The following PLA2G12B variants were observed in gnomAD, a reference collection of about 807,000 sequenced individuals.
PLA2G12B encodes group XIIB secretory phospholipase A2-like protein.
In PLA2G12B, 19 loss-of-function variants were observed where a neutral mutation model predicts 22.3. That is an observed-to-expected ratio of 0.85 (90% CI 0.60 to 1.25). The LOEUF is 1.25. Among genes scored for constraint, PLA2G12B ranks in the 50% most tolerant of loss-of-function variants. The pLI is 0.00. For synonymous variants in PLA2G12B, 81 were observed against 94.9 expected, an observed-to-expected ratio of 0.85 and a Z score of 0.85; for missense variants, 191 against 246.6, an observed-to-expected ratio of 0.77 and a Z score of 1.51.
chr10:72,935,882 T>A, intron 3 of PLA2G12B, 144 bp from the exon 4 acceptor site: 1 of 1,211,120 alleles, frequency 8.3e-7, no homozygotes, highest in Non-Finnish European at 1.1e-6. Flanking sequence ...TCAGAGAATG[T>A]TCTCAGAAAA....
chr10:72,945,552 C>T (rs1322664420), intron 1 of PLA2G12B, among the ~76,000 whole-genome samples: 2 of 152,078 alleles, frequency 1.3e-5, no homozygotes, highest in Non-Finnish European at 2.9e-5. Flanking sequence ...GATCCCTGAC[C>T]CTCAGCAAGT....
chr10:72,954,138 C>T (rs918413657), intron 1 of PLA2G12B, among the ~76,000 whole-genome samples: 3 of 152,108 alleles, frequency 2.0e-5, no homozygotes, highest in African/African-American at 7.2e-5. Context: ...CCCTTTTTTC[C>T]TAAGAACTGC....
intron 1 of PLA2G12B, among the ~76,000 whole-genome samples, chr10:72,952,574 A>C (rs1218452512): frequency 6.6e-6 from 1 of 152,208 alleles, no homozygotes; most frequent in African/African-American, 2.4e-5. Flanking sequence ...ACTACAAAAG[A>C]GCAGACTCGT....
Position 72,935,466 on chromosome 10 carries a change from C to T in PLA2G12B, c.*151G>A, listed in dbSNP as rs1213059995. 4.2e-6 allele frequency: 5 copies of T among 1,202,438 alleles called. No individual in the cohort carries two copies. Among genetic ancestry groups the T allele is most frequent in the Non-Finnish European group, 5.8e-6 (5 of 863,856 alleles). The allele number at this position is 1,202,438 out of a possible 1,614,324, so 74.5% of individuals were successfully genotyped here. Reference sequence around the variant, plus strand: ...AAATTTCCTCAAAGGATAGGACTCACTTTCCAGCTGTAGAAAAATGTTCCC... The same window carrying T: ...AAATTTCCTCAAAGGATAGGACTCATTTTCCAGCTGTAGAAAAATGTTCCC... On this transcript the variant is annotated 3_prime_UTR_variant, in exon 4 of 4. Coordinates refer to ENST00000373032, the MANE Select transcript of PLA2G12B (RefSeq NM_032562.5).
chr10:72,937,750 C>T (rs1423180549), intron 3 of PLA2G12B, among the ~76,000 whole-genome samples: 3 of 152,148 alleles, frequency 2.0e-5, no homozygotes, highest in African/African-American at 7.2e-5. Context: ...TAATATGATA[C>T]ACTACATCAA....
chr10:72,952,943 T>C (rs1435385625), intron 1 of PLA2G12B, among the ~76,000 whole-genome samples: 1 of 152,220 alleles, frequency 6.6e-6, no homozygotes, highest in African/African-American at 2.4e-5. Context: ...TAATAAAAAT[T>C]CCTGCTGTTG....
Position 72,954,497 on chromosome 10 carries a change from G to A in PLA2G12B, c.189C>T (p.Val63=), listed in dbSNP as rs773245317. The change falls in exon 1 of 4, where the codon GTC becomes GTT. Residue 63 remains valine, a synonymous_variant. Coordinates refer to ENST00000373032, the MANE Select transcript of PLA2G12B (RefSeq NM_032562.5). The part of the protein sequence containing the change: ...FLELLGGKNG[V]CQYRCRYGKA... ...CACCATATCGGCACCTGTACTGACA[G>A]ACTCCATTCTTCCCTCCCAGCAGCT... is the stretch of plus-strand genomic sequence containing the variant. 29 of 1,614,088 alleles carry A rather than the reference G, an allele frequency of 1.8e-5. No individual in the cohort carries two copies. The highest frequency in any genetic ancestry group is 1.7e-5 in the Admixed American group (1 of 59,996).
chr10:72,946,012 A>G (rs936193820), intron 1 of PLA2G12B, among the ~76,000 whole-genome samples: 2 of 152,144 alleles, frequency 1.3e-5, no homozygotes, highest in African/African-American at 4.8e-5. Flanking sequence ...GCTATAATTC[A>G]TATATCATAT....
At chr10:72,936,292 C>T (rs992115313) in intron 3 of PLA2G12B, among the ~76,000 whole-genome samples, 3 of 152,160 alleles carry the variant, frequency 2.0e-5, no homozygotes, top group Non-Finnish European at 2.9e-5. Flanking sequence ...AGCTACACTA[C>T]CTCATGATGA....
At chr10:72,950,070 A>G (rs912073386) in intron 1 of PLA2G12B, among the ~76,000 whole-genome samples, 3 of 152,236 alleles carry the variant, frequency 2.0e-5, no homozygotes, top group Non-Finnish European at 2.9e-5. Flanking sequence ...TAATACATCA[A>G]TGGAACACAG....
chr10:72,949,774 C>G (rs571159181), intron 1 of PLA2G12B, among the ~76,000 whole-genome samples: 1 of 152,060 alleles, frequency 6.6e-6, no homozygotes, highest in Non-Finnish European at 1.5e-5. Flanking sequence ...GTCATGAGTT[C>G]GAGACCAGCC....
intron 3 of PLA2G12B, 80 bp downstream of exon 3, chr10:72,941,089 T>C: frequency 7.1e-7 from 1 of 1,412,568 alleles, no homozygotes; most frequent in Non-Finnish European, 9.7e-7. Flanking sequence ...TCTCTTCGAG[T>C]CAAGGGGTTC....
At chr10:72,949,470 T>C (rs1846492044) in intron 1 of PLA2G12B, among the ~76,000 whole-genome samples, 1 of 152,230 alleles carries the variant, frequency 6.6e-6, no homozygotes, top group African/African-American at 2.4e-5. Context: ...TGCCTATTTC[T>C]TCACAGTTTG....
At chr10:72,936,957 T>C (rs1232573404) in intron 3 of PLA2G12B, among the ~76,000 whole-genome samples, 2 of 152,130 alleles carry the variant, frequency 1.3e-5, no homozygotes, top group Admixed American at 6.5e-5. Flanking sequence ...TCCCAGCACT[T>C]TGGGAGGCCG....
intron 1 of PLA2G12B, among the ~76,000 whole-genome samples, chr10:72,942,968 CTT>C (rs56918622): frequency 2.7e-4 from 39 of 142,516 alleles, no homozygotes; most frequent in Non-Finnish European, 2.6e-4. Flanking sequence ...TTCATGAGCA[CTT>C]TTTTTTTTTT....
At chr10:72,939,644 A>G (rs2132964089) in intron 3 of PLA2G12B, among the ~76,000 whole-genome samples, 1 of 152,250 alleles carries the variant, frequency 6.6e-6, no homozygotes, top group Non-Finnish European at 1.5e-5. Flanking sequence ...GATTCATCTC[A>G]CAGAAAGGAA....
At chr10:72,954,249 C>T (rs1846580133) in intron 1 of PLA2G12B, among the ~76,000 whole-genome samples, 1 of 152,178 alleles carries the variant, frequency 6.6e-6, no homozygotes, top group South Asian at 2.1e-4. Context: ...AAGAATTTGT[C>T]AGGATAAGTA....
At chr10:72,937,346 A>T (rs1846294910) in intron 3 of PLA2G12B, among the ~76,000 whole-genome samples, 1 of 152,238 alleles carries the variant, frequency 6.6e-6, no homozygotes, top group African/African-American at 2.4e-5. Flanking sequence ...AGAATAGAAA[A>T]TATGAATAGA....
In PLA2G12B at chr10:72,937,513, G is replaced by A. The variant is rs1846297241; in HGVS notation, c.467-1775C>T. Among the ~76,000 whole-genome samples the A allele has an allele frequency of 2.0e-5, 3 of 152,082 alleles. No individual in the cohort carries two copies. In the South Asian group the frequency reaches 6.2e-4, roughly 32 times the overall value. ...CCTTTCTAAGCTTTTTAAAAAATTA[G>A]GAGAGAAGGGATCACTGCCCAATTC... is the stretch of plus-strand genomic sequence containing the variant. On this transcript the variant is annotated intron_variant, in intron 3 of 3. Transcript: ENST00000373032.
Sources: gnomAD v4.1 joint callset for allele counts (sites outside exome capture counted in the v4.1 genomes callset) on GRCh38, gnomAD v4.1.1 for gene constraint, MANE v1.5 for transcripts, NCBI Gene and HGNC (gene_info 2026-07-23, HGNC 2026-07-21) for gene names.